Variants in AUH observed in about 807,000 individuals in gnomAD.
The protein encoded by AUH is methylglutaconyl-CoA hydratase, mitochondrial.
In AUH, 29 loss-of-function variants were observed where a neutral mutation model predicts 42.3. That is an observed-to-expected ratio of 0.69 (90% confidence interval 0.51 to 0.93). The LOEUF (loss-of-function observed/expected upper bound fraction) is 0.93. Among genes scored for constraint, AUH ranks in the 40% least tolerant of loss-of-function variants. The pLI, the probability that AUH is intolerant of heterozygous loss-of-function variation, is 0.00. For synonymous variants in AUH, 174 were observed against 166.4 expected (o/e 1.05, Z -0.35); for missense variants, 452 against 438.1 (o/e 1.03, Z -0.28).
At chr9:91,256,042 TATATC>T (rs1829388263) in intron 6 of AUH, among the ~76,000 whole-genome samples, 1 of 152,202 alleles carries the variant, frequency 6.6e-6, no homozygotes, top group Non-Finnish European at 1.5e-5. Flanking sequence ...TTATTTCAGT[TATATC>T]TTATCTTAGA....
intron 6 of AUH, among the ~76,000 whole-genome samples, chr9:91,275,758 T>A (rs1383327423): frequency 6.6e-6 from 1 of 152,216 alleles, no homozygotes; most frequent in Non-Finnish European, 1.5e-5. Context: ...AGTGATCAAG[T>A]GTAATTATTA....
chr9:91,290,191 G>A (rs935432901), intron 6 of AUH, among the ~76,000 whole-genome samples: 3 of 149,748 alleles, frequency 2.0e-5, no homozygotes, highest in Admixed American at 2.0e-4. Context: ...CAAGGCAGGA[G>A]GATTGCTTGA....
At position 91,361,669 on chromosome 9, in the gene AUH, T is replaced by G. The variant is rs1319901161; in HGVS notation, c.221A>C (p.Glu74Ala). 3.0e-5 allele frequency: 48 copies of G among 1,579,700 alleles called. No homozygotes were observed. Among genetic ancestry groups the G allele is most frequent in the Non-Finnish European group, 3.9e-5 (45 of 1,163,022 alleles). ...KRGYSSEMKT[E>A]DELRVRHLEE... ...CAGGTGCCGCACCCGCAGCTCGTCC[T>G]CCGTCTTCATCTCAGAGCTGTAGCC... Residue 74 changes from glutamate (E) to alanine (A), a missense_variant, in exon 1 of 10, where the codon GAG (glutamate) becomes GCG (alanine). By Grantham distance (107) the Glu-to-Ala change is moderately radical. Coordinates refer to ENST00000375731, the MANE Select transcript of AUH (RefSeq NM_001698.3).
intron 4 of AUH, among the ~76,000 whole-genome samples, chr9:91,322,147 A>G (rs1829627849): frequency 6.6e-6 from 1 of 152,230 alleles, no homozygotes; most frequent in African/African-American, 2.4e-5. Context: ...GATAAGAACT[A>G]GCCCAGAAAA....
chr9:91,289,686 A>C (rs1204564750), intron 6 of AUH, among the ~76,000 whole-genome samples: 1 of 152,218 alleles, frequency 6.6e-6, no homozygotes, highest in Non-Finnish European at 1.5e-5. Flanking sequence ...TTAAAAACAC[A>C]ATTTTTGAAA....
At chr9:91,270,702 C>T (rs1825051988) in intron 6 of AUH, among the ~76,000 whole-genome samples, 2 of 151,970 alleles carry the variant, frequency 1.3e-5, no homozygotes, top group South Asian at 2.1e-4. Context: ...AGTATTTGAC[C>T]TACCCGGTGC....
intron 6 of AUH, 55 bp from the exon 7 acceptor site, chr9:91,221,047 A>T (rs1827107467): frequency 8.3e-6 from 13 of 1,571,896 alleles, no homozygotes; most frequent in Non-Finnish European, 4.4e-6. Context: ...TAGTTTTAAC[A>T]CTTCAGTGTT....
chr9:91,331,252 G>A (rs1410146271), intron 3 of AUH, among the ~76,000 whole-genome samples: 5 of 152,174 alleles, frequency 3.3e-5, no homozygotes, highest in Non-Finnish European at 4.4e-5. Flanking sequence ...AAGTACAGAC[G>A]GGTATTAAAG....
At chr9:91,218,312 G>A (rs893137181) in intron 7 of AUH, among the ~76,000 whole-genome samples, 1 of 152,124 alleles carries the variant, frequency 6.6e-6, no homozygotes, top group Admixed American at 6.5e-5. Flanking sequence ...ATATCTTATT[G>A]ATAATTCTTC....
intron 3 of AUH, among the ~76,000 whole-genome samples, chr9:91,353,129 C>G (rs893791705): frequency 3.9e-5 from 6 of 151,964 alleles, no homozygotes; most frequent in African/African-American, 1.5e-4. Flanking sequence ...CACTGTCACC[C>G]GGGCTGGAAT....
At chr9:91,250,743 G>A (rs1179518293) in intron 6 of AUH, among the ~76,000 whole-genome samples, 1 of 152,208 alleles carries the variant, frequency 6.6e-6, no homozygotes, top group Non-Finnish European at 1.5e-5. Context: ...GAAACTTCTA[G>A]TTTCCAATAT....
intron 6 of AUH, among the ~76,000 whole-genome samples, chr9:91,248,319 T>C (rs1269860210): frequency 6.6e-6 from 1 of 152,262 alleles, no homozygotes; most frequent in Non-Finnish European, 1.5e-5. Context: ...CAACTCTGTA[T>C]TATGTGTTAT....
intron 3 of AUH, 36 bp from the exon 4 acceptor site, chr9:91,325,440 G>A (rs771487292): frequency 6.3e-6 from 10 of 1,578,960 alleles, no homozygotes; most frequent in African/African-American, 4.0e-5. Flanking sequence ...TAATCTAGTT[G>A]TAAACAAAAT....
chr9:91,250,996 C>T (rs935706403), intron 6 of AUH, among the ~76,000 whole-genome samples: 21 of 152,192 alleles, frequency 1.4e-4, no homozygotes, highest in African/African-American at 5.1e-4. Context: ...CAGCTTCCTT[C>T]AGCACATGGG....
intron 3 of AUH, among the ~76,000 whole-genome samples, chr9:91,326,136 TAAAC>T (rs781067482): frequency 6.6e-6 from 1 of 152,312 alleles, no homozygotes; most frequent in East Asian, 1.9e-4. Context: ...GGTCCCCAAT[TAAAC>T]AAACAGACGA....
intron 6 of AUH, among the ~76,000 whole-genome samples, chr9:91,225,704 C>T (rs1827414866): frequency 7.5e-6 from 1 of 132,850 alleles, no homozygotes; most frequent in Non-Finnish European, 1.6e-5. Flanking sequence ...CTCCCCCCTC[C>T]CCCCACCACA....
At chr9:91,244,685 T>C (rs1434094041) in intron 6 of AUH, among the ~76,000 whole-genome samples, 1 of 152,188 alleles carries the variant, frequency 6.6e-6, no homozygotes, top group Non-Finnish European at 1.5e-5. Flanking sequence ...AAACCCACAA[T>C]GGCAGGTTCC....
At position 91,357,518 on chromosome 9, in the gene AUH, G is replaced by A. The variant is rs1192969856; in HGVS notation, c.263-1363C>T. On this transcript the variant is annotated intron_variant, in intron 1 of 9. Transcript: ENST00000375731. ...CAGCAGCCATGGAACTAGAGTCTAG[G>A]AGGGAAATACAAACATTAATAATCA... 3.1e-6 allele frequency: 3 copies of A among 959,866 alleles called. No homozygotes were observed. The East Asian group carries it at 3.4e-4, about 110-fold the overall frequency. The allele number at this position is 959,866 out of a possible 1,614,324, so 59.5% of individuals were successfully genotyped here. A position where few individuals can be genotyped will look rare whatever the true frequency, so the allele number is the denominator to read the frequency against.
chr9:91,283,993 C>T (rs1826193254), intron 6 of AUH, among the ~76,000 whole-genome samples: 1 of 151,618 alleles, frequency 6.6e-6, no homozygotes. Flanking sequence ...AAAAAAGGGC[C>T]CGCATTGCCA....
Sources: allele counts gnomAD v4.1 joint callset (sites outside exome capture counted in the v4.1 genomes callset), GRCh38; gene constraint gnomAD v4.1.1; transcripts MANE v1.5; gene names NCBI Gene and HGNC (gene_info 2026-07-23, HGNC 2026-07-21).